The following STX8 variants were observed in gnomAD, a reference collection of about 807,000 sequenced individuals.
STX8 encodes syntaxin-8.
A neutral mutation model predicts 37.5 loss-of-function variants in STX8; 23 were observed. The ratio of observed to expected loss-of-function variants is 0.61; its 90% CI spans 0.44 to 0.87. The LOEUF (loss-of-function observed/expected upper bound fraction) is 0.87, where lower values mean the gene tolerates loss of function less well. STX8 is among the 40% of genes least tolerant of loss of function. STX8 has a pLI of 0.00. For synonymous variants in STX8, 115 were observed against 99.1 expected, an observed-to-expected ratio of 1.16 and a Z score of -0.95; for missense variants, 313 against 284.7, an observed-to-expected ratio of 1.10 and a Z score of -0.71.
chr17:9,348,502 T>C (rs1195739240), intron 7 of STX8, among the ~76,000 whole-genome samples: 1 of 137,366 alleles, frequency 7.3e-6, no homozygotes, highest in African/African-American at 2.6e-5. Flanking sequence ...TCTATCCCTA[T>C]TCAAATTTCA....
At chr17:9,384,946 CAAA>C (rs534621496) in intron 6 of STX8, among the ~76,000 whole-genome samples, 2 of 74,098 alleles carry the variant, frequency 2.7e-5, no homozygotes. Flanking sequence ...CTCTCCATAC[CAAA>C]AAAAAAAAAA....
intron 6 of STX8, among the ~76,000 whole-genome samples, chr17:9,424,071 G>A (rs914158550): frequency 5.3e-5 from 8 of 152,184 alleles, no homozygotes; most frequent in African/African-American, 7.2e-5. Context: ...TCATAAAACT[G>A]CCACCTACCC....
chr17:9,402,177 T>C (rs1351597910), intron 6 of STX8, among the ~76,000 whole-genome samples: 1 of 152,148 alleles, frequency 6.6e-6, no homozygotes, highest in Non-Finnish European at 1.5e-5. Flanking sequence ...TGGAGTGCAA[T>C]GGCACGATCT....
intron 6 of STX8, among the ~76,000 whole-genome samples, chr17:9,405,618 G>A (rs907738095): frequency 6.6e-6 from 1 of 152,126 alleles, no homozygotes; most frequent in African/African-American, 2.4e-5. Context: ...AACCCTTCCT[G>A]CCTTAAATTC....
chr17:9,440,817 A>G (rs7207541), intron 6 of STX8, among the ~76,000 whole-genome samples: 37,509 of 151,988 alleles, frequency 0.25, 4,880 homozygotes, highest in Middle Eastern at 0.31. Flanking sequence ...GAGCCACCGC[A>G]TCCAGCCTGA....
chr17:9,346,740 T>C (rs931795764), intron 7 of STX8, among the ~76,000 whole-genome samples: 3 of 152,164 alleles, frequency 2.0e-5, no homozygotes, highest in African/African-American at 4.8e-5. Context: ...AGTGACACCA[T>C]AGGGGTGGCT....
intron 4 of STX8, among the ~76,000 whole-genome samples, chr17:9,518,661 G>C (rs1905226825): frequency 6.6e-6 from 1 of 152,110 alleles, no homozygotes; most frequent in Non-Finnish European, 1.5e-5. Flanking sequence ...GAGGTTAGGA[G>C]TTCAAGACCA....
At chr17:9,465,405 T>C (rs1475908215) in intron 6 of STX8, among the ~76,000 whole-genome samples, 1 of 152,178 alleles carries the variant, frequency 6.6e-6, no homozygotes. Flanking sequence ...AAACACTCCC[T>C]TTCCTGAACA....
chr17:9,511,553 T>A (rs1905019238), intron 4 of STX8, among the ~76,000 whole-genome samples: 1 of 151,868 alleles, frequency 6.6e-6, no homozygotes, highest in African/African-American at 2.4e-5. Flanking sequence ...ATTCAACATC[T>A]CAATTAAAAA....
chr17:9,277,105 G>A (rs2142146804), intron 7 of STX8, among the ~76,000 whole-genome samples: 1 of 152,234 alleles, frequency 6.6e-6, no homozygotes, highest in African/African-American at 2.4e-5. Flanking sequence ...ATACCACTGT[G>A]CCTAGCCAGA....
chr17:9,568,103 CTG>C (rs1907530659), intron 2 of STX8, among the ~76,000 whole-genome samples: 1 of 152,144 alleles, frequency 6.6e-6, no homozygotes, highest in Non-Finnish European at 1.5e-5. Flanking sequence ...GATTTATTAT[CTG>C]TAGGAAGTTT....
Position 9,535,424 on chromosome 17 carries a change from C to CTTTTTTTTTTTTTTTTTTTTTTTTTTTTT in STX8, c.323+9747_323+9748insAAAAAAAAAAAAAAAAAAAAAAAAAAAAA, listed in dbSNP as rs35962202. On this transcript the variant is annotated intron_variant, in intron 4 of 7. Coordinates refer to ENST00000306357, the MANE Select transcript of STX8 (RefSeq NM_004853.3). ...CATACCCTCTGACCCAGCCATCCTACTTTTTTTTTTTTTTTTTTTTTTTTT... is the reference window on the plus strand; with the variant it reads ...CATACCCTCTGACCCAGCCATCCTACTTTTTTTTTTTTTTTTTTTTTTTTTTTTTTTTTTTTTTTTTTTTTTTTTTTTTT... Among the ~76,000 whole-genome samples the CTTTTTTTTTTTTTTTTTTTTTTTTTTTTT allele has an allele frequency of 7.0e-4, 36 of 51,564 alleles. 7 individuals carry two copies. Among genetic ancestry groups the CTTTTTTTTTTTTTTTTTTTTTTTTTTTTT allele is most frequent in the South Asian group, 1.5e-3 (1 of 646 alleles). The allele number at this position is 51,564 out of a possible 152,430, so 33.8% of individuals were successfully genotyped here.
intron 6 of STX8, among the ~76,000 whole-genome samples, chr17:9,434,295 G>A (rs903809000): frequency 6.6e-6 from 1 of 152,190 alleles, no homozygotes; most frequent in Non-Finnish European, 1.5e-5. Context: ...GAGCCACTGC[G>A]CCCAGCCAGT....
rs572200387 is a variant in STX8, at chr17:9,483,824, C to G, written c.541+8005G>C. Among the ~76,000 whole-genome samples, 14 of 152,260 alleles carry G rather than the reference C, an allele frequency of 9.2e-5. No individual in the cohort carries two copies. In the South Asian group the frequency reaches 2.9e-3, roughly 32 times the overall value. ...AGCAGAGAGGAGATGCACGCCTGGTCCCTTGTGCCTACACTGTCAGATCTC... is the reference window on the plus strand; with the variant it reads ...AGCAGAGAGGAGATGCACGCCTGGTGCCTTGTGCCTACACTGTCAGATCTC... On this transcript the variant is annotated intron_variant, in intron 6 of 7. Coordinates refer to ENST00000306357, the MANE Select transcript of STX8 (RefSeq NM_004853.3).
chr17:9,383,781 C>A (rs896746997), intron 6 of STX8, among the ~76,000 whole-genome samples: 9 of 151,472 alleles, frequency 5.9e-5, no homozygotes, highest in African/African-American at 2.2e-4. Flanking sequence ...CACATACAGT[C>A]AATAGTAAAA....
intron 6 of STX8, among the ~76,000 whole-genome samples, chr17:9,481,859 C>G (rs571733474): frequency 3.3e-5 from 5 of 152,154 alleles, no homozygotes; most frequent in Non-Finnish European, 5.9e-5. Context: ...ACACTCCTTA[C>G]GACAATCTGA....
chr17:9,313,059 C>T (rs550472974), intron 7 of STX8, among the ~76,000 whole-genome samples: 34 of 152,140 alleles, frequency 2.2e-4, no homozygotes, highest in African/African-American at 7.0e-4. Context: ...GGCATGGTGG[C>T]GCATGCCTGT....
intron 6 of STX8, among the ~76,000 whole-genome samples, chr17:9,457,864 C>T (rs1905225612): frequency 1.3e-5 from 2 of 152,190 alleles, no homozygotes; most frequent in Admixed American, 1.3e-4. Context: ...AAACGGGTTA[C>T]CTGCCCATTA....
intron 6 of STX8, among the ~76,000 whole-genome samples, chr17:9,476,742 C>T (rs28408536): frequency 0.025 from 3,793 of 152,230 alleles, 140 homozygotes; most frequent in African/African-American, 0.084. Flanking sequence ...TGTGAGCCAC[C>T]GCACCCAGCC....
Sources: gnomAD v4.1 joint callset for allele counts (sites outside exome capture counted in the v4.1 genomes callset) on GRCh38, gnomAD v4.1.1 for gene constraint, MANE v1.5 for transcripts, NCBI Gene and HGNC (gene_info 2026-07-23, HGNC 2026-07-21) for gene names.